CASZ1: variants seen among roughly 807,000 people sequenced by gnomAD.
The protein encoded by CASZ1 is castor zinc finger 1, also known as zinc finger protein castor homolog 1.
Under a neutral mutation model 135.2 loss-of-function variants are expected in CASZ1, and 28 were observed. The ratio of observed to expected loss-of-function variants is 0.21; its 90% CI spans 0.15 to 0.28. The LOEUF (loss-of-function observed/expected upper bound fraction) is 0.28. CASZ1 is among the 10% of genes least tolerant of loss of function. CASZ1 has a pLI of 1.00. For synonymous variants in CASZ1, 1,068 were observed against 1,073.4 expected, an observed-to-expected ratio of 0.99 and a Z score of 0.10; for missense variants, 2,161 against 2,453.3, an observed-to-expected ratio of 0.88 and a Z score of 2.52.
chr1:10,691,202 A>C (rs191263455), intron 4 of CASZ1, among the ~76,000 whole-genome samples: 1 of 151,894 alleles, frequency 6.6e-6, no homozygotes, highest in Admixed American at 6.5e-5. Flanking sequence ...CCCTCTCATA[A>C]AAACTGGCTG....
chr1:10,639,274 C>T lies in CASZ1; in HGVS notation c.4948G>A (p.Gly1650Ser). The T allele has an allele frequency of 9.2e-7, 1 of 1,087,720 alleles. No individual in the cohort carries two copies. The highest frequency in any genetic ancestry group is 1.1e-6 in the Non-Finnish European group (1 of 891,446). The allele number at this position is 1,087,720 out of a possible 1,614,324, so 67.4% of individuals were successfully genotyped here. The stretch of plus-strand genomic sequence containing the variant: ...CCGGGGGCGGCGGCGTCGGGCGGGC[C>T]GGGGTCGCCCGCGTCGCCCAGCGCC... ...GLALGDAGDP[G>S]PPDAAAPGPR... is the part of the protein sequence containing the mutation. Residue 1650 changes from glycine (G) to serine (S), a missense_variant, in exon 21 of 21, where the codon GGC becomes AGC. Coordinates refer to ENST00000377022, the MANE Select transcript of CASZ1 (RefSeq NM_001079843.3). The surrounding 1 kb of genome is among the most constrained non-coding windows in gnomAD (Gnocchi z 4.0).
rs1229784160 is a variant in CASZ1 at position 10,739,276 on chromosome 1, C to T, written c.-77+21425G>A. On this transcript the variant is annotated intron_variant, in intron 2 of 20. Transcript: ENST00000377022. This position sits in a 1 kb window ranked among gnomAD's most constrained non-coding sequence, Gnocchi z 4.8. ...GGGGTGTGTGCGCCTGGGGGTCACC[C>T]CTGCTGTCTCTCTGGGTAGGGGTGC... Among the ~76,000 whole-genome samples, 1 of 152,088 alleles carries T rather than the reference C, an allele frequency of 6.6e-6. No individual in the cohort carries two copies. The highest frequency in any genetic ancestry group is 1.5e-5 in the Non-Finnish European group (1 of 67,996).
chr1:10,745,485 G>A (rs1640022877), intron 2 of CASZ1, among the ~76,000 whole-genome samples: 1 of 152,188 alleles, frequency 6.6e-6, no homozygotes, highest in Non-Finnish European at 1.5e-5. Flanking sequence ...AAGGGGGTGT[G>A]GGCAGGGCCG....
At chr1:10,712,812 C>G (rs1023305757) in intron 2 of CASZ1, among the ~76,000 whole-genome samples, 2 of 152,252 alleles carry the variant, frequency 1.3e-5, no homozygotes, top group Admixed American at 6.5e-5. Flanking sequence ...CCAATACACA[C>G]GGCCCAGCCA....
chr1:10,704,776 C>T (rs1157705062), intron 3 of CASZ1, among the ~76,000 whole-genome samples: 2 of 152,252 alleles, frequency 1.3e-5, no homozygotes, highest in Non-Finnish European at 1.5e-5. Context: ...ACTGGCGTTC[C>T]ACCGGTCACC....
intron 1 of CASZ1, among the ~76,000 whole-genome samples, chr1:10,781,616 G>T (rs776893469): frequency 6.6e-6 from 1 of 152,232 alleles, no homozygotes; most frequent in South Asian, 2.1e-4. Flanking sequence ...CAGCCTCTGG[G>T]ATGACGCTTC....
chr1:10,779,733 C>T (rs1350036657), intron 1 of CASZ1, among the ~76,000 whole-genome samples: 1 of 152,180 alleles, frequency 6.6e-6, no homozygotes, highest in Admixed American at 6.5e-5. Flanking sequence ...TAGTTTTTCA[C>T]TCATATAATA....
rs1444890494 is a variant in CASZ1 at position 10,648,674 on chromosome 1, A to G, written c.3158+396T>C. ...TTTCATTATGTTTAGGTCAAAGGTA[A>G]CCTAGAGATGTAATATTGTGGCTTG... On this transcript the variant is annotated intron_variant, in intron 15 of 20. Transcript: ENST00000377022. The G allele has an allele frequency of 2.3e-5, 5 of 218,886 alleles. 1 individual carries two copies. Among genetic ancestry groups the G allele is most frequent in the Middle Eastern group, 3.3e-3 (2 of 608 alleles). The allele number at this position is 218,886 out of a possible 1,614,324, so 13.6% of individuals were successfully genotyped here. A position where few individuals can be genotyped will look rare whatever the true frequency, so the allele number is the denominator to read the frequency against.
In CASZ1 at chr1:10,706,057, G is replaced by C. The variant is rs192746716; in HGVS notation, c.-76-513C>G. On this transcript the variant is annotated intron_variant, in intron 2 of 20. Transcript: ENST00000377022. This position sits in a 1 kb window ranked among gnomAD's most constrained non-coding sequence, Gnocchi z 4.3. ...TAGCAAGTTGGTGACAGAGGGGCAA[G>C]GGCGGGCCAGGGGCCAAGGCATCAG... Among the ~76,000 whole-genome samples the C allele has an allele frequency of 4.1e-3, 623 of 152,372 alleles. 1 individual carries two copies. Among genetic ancestry groups the C allele is most frequent in the Admixed American group, 6.8e-3 (104 of 15,314 alleles).
chr1:10,729,816 A>T (rs948847053), intron 2 of CASZ1, among the ~76,000 whole-genome samples: 1 of 148,934 alleles, frequency 6.7e-6, no homozygotes, highest in African/African-American at 2.5e-5. Flanking sequence ...ACTTTATTTT[A>T]TTTTTTTTTT....
intron 1 of CASZ1, among the ~76,000 whole-genome samples, chr1:10,771,589 A>G (rs138984809): frequency 5.3e-5 from 8 of 152,230 alleles, no homozygotes; most frequent in African/African-American, 1.9e-4. Flanking sequence ...GTAAACGTAG[A>G]CTTTTAAAAT....
Position 10,794,640 on chromosome 1 carries a change from G to C in CASZ1, c.-234+1924C>G, listed in dbSNP as rs1006963500. On this transcript the variant is annotated intron_variant, in intron 1 of 20. Transcript: ENST00000377022. This position sits in a 1 kb window ranked among gnomAD's most constrained non-coding sequence, Gnocchi z 5.6. ...AGAGGAACTTGTGTGGAGGAAGAGGGGGTCCCCTGCCTCCCTCAGCGCTCC... is the reference window on the plus strand; with the variant it reads ...AGAGGAACTTGTGTGGAGGAAGAGGCGGTCCCCTGCCTCCCTCAGCGCTCC... Among the ~76,000 whole-genome samples the C allele has an allele frequency of 6.6e-6, 1 of 152,152 alleles. No individual in the cohort carries two copies. The highest frequency in any genetic ancestry group is 2.4e-5 in the African/African-American group (1 of 41,430).
intron 2 of CASZ1, among the ~76,000 whole-genome samples, chr1:10,760,037 T>A (rs1640342612): frequency 6.6e-6 from 1 of 152,166 alleles, no homozygotes; most frequent in Admixed American, 6.5e-5. Flanking sequence ...TATCTGACAG[T>A]ACCAGCTCCA....
Position 10,647,350 on chromosome 1 carries a change from C to T in CASZ1, c.3497+451G>A. ...CCACCCAAGAGCTCAGACCACTGTGCAGGCCAGTGACGGCCTGGAGGGGCC... is the reference window on the plus strand; with the variant it reads ...CCACCCAAGAGCTCAGACCACTGTGTAGGCCAGTGACGGCCTGGAGGGGCC... On this transcript the variant is annotated intron_variant, in intron 16 of 20. Coordinates refer to ENST00000377022, the MANE Select transcript of CASZ1 (RefSeq NM_001079843.3). This position sits in a 1 kb window ranked among gnomAD's most constrained non-coding sequence, Gnocchi z 4.9. 1 of 1,042,960 alleles carries T rather than the reference C, an allele frequency of 9.6e-7. No individual in the cohort carries two copies. The highest frequency in any genetic ancestry group is 1.2e-6 in the Non-Finnish European group (1 of 865,190). The allele number at this position is 1,042,960 out of a possible 1,614,324, so 64.6% of individuals were successfully genotyped here.
At chr1:10,644,776 G>T in intron 18 of CASZ1, 141 bp downstream of exon 18, 1 of 838,694 alleles carries the variant, frequency 1.2e-6, no homozygotes, top group Non-Finnish European at 1.8e-6. Context: ...CCTAGCCCGT[G>T]ATATCTGGGA....
intron 4 of CASZ1, among the ~76,000 whole-genome samples, chr1:10,687,846 G>T (rs1374109446): frequency 6.6e-6 from 1 of 152,110 alleles, no homozygotes; most frequent in Admixed American, 6.5e-5. Flanking sequence ...TATCCTTAGG[G>T]CTTCCCTGCC....
At chr1:10,773,933 T>C (rs1001963741) in intron 1 of CASZ1, among the ~76,000 whole-genome samples, 5 of 151,986 alleles carry the variant, frequency 3.3e-5, no homozygotes, top group Middle Eastern at 3.2e-3. Context: ...CAGAGATGGG[T>C]TGGGGAGAGT....
rs1389549057 is a variant in CASZ1 at position 10,654,170 on chromosome 1, C to T, written c.1887G>A (p.Lys629=). Residue 629 remains lysine (K), a synonymous_variant, in exon 11 of 21, where the codon AAG becomes AAA. Transcript: ENST00000377022. ...CGTCCTTGATGTGGTAGCTCTTGTG[C>T]TTCTCGATGTCACACTTGTTCTTGA... The part of the protein sequence containing the change: ...FTFKNKCDIE[K]HKSYHIKDDA... 1 of 1,614,232 alleles carries T rather than the reference C, an allele frequency of 6.2e-7. No homozygotes were observed. The highest frequency in any genetic ancestry group is 1.7e-5 in the Admixed American group (1 of 60,024).
chr1:10,671,970 C>G (rs768518399), intron 4 of CASZ1, among the ~76,000 whole-genome samples: 3 of 152,204 alleles, frequency 2.0e-5, no homozygotes, highest in Non-Finnish European at 4.4e-5. Flanking sequence ...GACAGCCCCA[C>G]AAGCTGTGCC....
Sources: gnomAD v4.1 joint callset for allele counts (sites outside exome capture counted in the v4.1 genomes callset) on GRCh38, gnomAD v4.1.1 for gene constraint, Gnocchi (gnomAD v3.1) non-coding constraint, MANE v1.5 for transcripts, NCBI Gene and HGNC (gene_info 2026-07-23, HGNC 2026-07-21) for gene names.